BATF: variants seen among roughly 807,000 people sequenced by gnomAD.
BATF encodes the protein basic leucine zipper transcriptional factor ATF-like.
A neutral mutation model predicts 13.7 loss-of-function variants in BATF; 5 were observed. That is an observed-to-expected ratio of 0.36 (90% CI 0.19 to 0.77). The LOEUF (loss-of-function observed/expected upper bound fraction) is 0.77, where lower values mean the gene tolerates loss of function less well. BATF is among the 30% of genes least tolerant of loss of function. BATF has a pLI of 0.51. For missense variants in BATF, 124 were observed against 163.0 expected (o/e 0.76, Z 1.30); for synonymous variants, 72 against 67.5 (o/e 1.07, Z -0.33).
At chr14:75,522,791 G>A in intron 1 of BATF, 46 bp downstream of exon 1, 1 of 1,610,788 alleles carries the variant, frequency 6.2e-7, no homozygotes, top group Non-Finnish European at 8.5e-7. Flanking sequence ...TTCTCCTGGG[G>A]GATGGAAAGA....
chr14:75,544,243 TA>T (rs914255782), intron 2 of BATF, among the ~76,000 whole-genome samples: 20 of 150,926 alleles, frequency 1.3e-4, no homozygotes, highest in Admixed American at 5.9e-4. Context: ...GGCTAGGATT[TA>T]AAAAAAAAAT....
chr14:75,525,254 C>T, intron 2 of BATF, 66 bp downstream of exon 2: 1 of 1,492,856 alleles, frequency 6.7e-7, no homozygotes, highest in Non-Finnish European at 9.2e-7. Context: ...TCTGGGAACC[C>T]TTGGACCATA....
chr14:75,531,639 T>A (rs1887735664), intron 2 of BATF, among the ~76,000 whole-genome samples: 1 of 152,240 alleles, frequency 6.6e-6, no homozygotes, highest in Non-Finnish European at 1.5e-5. Flanking sequence ...TCCAGGGATG[T>A]GCTTTGTCAT....
chr14:75,546,385 C>G (rs1468025085), intron 2 of BATF, 77 bp from the exon 3 acceptor site: 52 of 1,475,646 alleles, frequency 3.5e-5, no homozygotes, highest in Middle Eastern at 1.7e-4. Flanking sequence ...TCTGGCCCCT[C>G]CTGTGTCCCT....
intron 2 of BATF, among the ~76,000 whole-genome samples, chr14:75,539,419 C>T (rs1887863569): frequency 2.9e-5 from 1 of 34,664 alleles, no homozygotes; most frequent in East Asian, 2.0e-3. Context: ...GTAAGGTAAG[C>T]TGGAATTTTT....
chr14:75,532,230 G>A (rs1887744825), intron 2 of BATF, among the ~76,000 whole-genome samples: 1 of 152,120 alleles, frequency 6.6e-6, no homozygotes, highest in Admixed American at 6.5e-5. Context: ...AAACTCTGAT[G>A]AAGATGTATT....
intron 2 of BATF, among the ~76,000 whole-genome samples, chr14:75,539,220 C>T (rs534980798): frequency 3.2e-4 from 48 of 152,272 alleles, no homozygotes; most frequent in Admixed American, 1.6e-3. Context: ...ATTCTCTAGG[C>T]TGTGAGATGG....
In BATF at chr14:75,522,659, G is replaced by T. The variant is rs949413937; in HGVS notation, c.-24G>T. On this transcript the variant is annotated 5_prime_UTR_variant, in exon 1 of 3. Coordinates refer to ENST00000286639, the MANE Select transcript of BATF (RefSeq NM_006399.5). ...AGCCCAGAGGTGCCTGGGGCTGAGT[G>T]TGAGAGCCCGGAAGATTTCAGCCAT... The T allele has an allele frequency of 5.0e-6, 8 of 1,614,086 alleles. No individual in the cohort carries two copies. The highest frequency in any genetic ancestry group is 6.8e-6 in the Non-Finnish European group (8 of 1,179,956).
intron 2 of BATF, among the ~76,000 whole-genome samples, chr14:75,526,320 C>A (rs1057369423): frequency 2.6e-5 from 4 of 152,198 alleles, no homozygotes; most frequent in African/African-American, 9.7e-5. Flanking sequence ...CCTTCCCTAG[C>A]AACTCTACCT....
chr14:75,538,209 A>G (rs940965441), intron 2 of BATF, among the ~76,000 whole-genome samples: 8 of 152,168 alleles, frequency 5.3e-5, no homozygotes, highest in African/African-American at 1.9e-4. Flanking sequence ...CCCTCCTGCC[A>G]AAGAAGCCTC....
chr14:75,535,592 G>A (rs1223251596), intron 2 of BATF, among the ~76,000 whole-genome samples: 2 of 152,274 alleles, frequency 1.3e-5, no homozygotes, highest in East Asian at 1.9e-4. Context: ...AGGACATCAA[G>A]TACAAAGAGA....
At chr14:75,526,382 C>G (rs1887654978) in intron 2 of BATF, among the ~76,000 whole-genome samples, 2 of 152,206 alleles carry the variant, frequency 1.3e-5, no homozygotes, top group South Asian at 2.1e-4. Context: ...CTAGCAATTC[C>G]TTTCCATGGA....
At chr14:75,541,089 A>G (rs973975308) in intron 2 of BATF, among the ~76,000 whole-genome samples, 2 of 152,228 alleles carry the variant, frequency 1.3e-5, no homozygotes, top group African/African-American at 4.8e-5. Flanking sequence ...ACTCTGTCTC[A>G]AAAATTAAAT....
intron 2 of BATF, among the ~76,000 whole-genome samples, chr14:75,525,434 G>A (rs1403210011): frequency 6.6e-6 from 1 of 151,882 alleles, no homozygotes; most frequent in South Asian, 2.1e-4. Flanking sequence ...AGGCCAAGGC[G>A]GGTGGGTCAC....
intron 2 of BATF, among the ~76,000 whole-genome samples, chr14:75,530,157 G>C (rs1207854458): frequency 6.6e-6 from 1 of 151,716 alleles, no homozygotes; most frequent in Non-Finnish European, 1.5e-5. Flanking sequence ...TGTGTGAAAA[G>C]ATGGTAGACC....
chr14:75,525,217 G>A (rs758723494), intron 2 of BATF, 29 bp downstream of exon 2: 15 of 1,599,424 alleles, frequency 9.4e-6, no homozygotes, highest in East Asian at 2.2e-5. Context: ...CTTCATCCTC[G>A]TGAGCTTTAG....
At chr14:75,532,765 G>T (rs1887756716) in intron 2 of BATF, among the ~76,000 whole-genome samples, 1 of 152,046 alleles carries the variant, frequency 6.6e-6, no homozygotes, top group South Asian at 2.1e-4. Context: ...GTATTTATCA[G>T]CATAGAAAGA....
chr14:75,529,286 C>T (rs1887698221), intron 2 of BATF, among the ~76,000 whole-genome samples: 1 of 152,122 alleles, frequency 6.6e-6, no homozygotes. Context: ...GACCCAAAAA[C>T]AAATTCAGAT....
chr14:75,529,921 A>G (rs1474737276), intron 2 of BATF, among the ~76,000 whole-genome samples: 7 of 152,048 alleles, frequency 4.6e-5, no homozygotes, highest in Non-Finnish European at 8.8e-5. Context: ...AAAATTAGCC[A>G]GGCGTGGTGG....
Sources: allele counts gnomAD v4.1 joint callset (sites outside exome capture counted in the v4.1 genomes callset), GRCh38; gene constraint gnomAD v4.1.1; transcripts MANE v1.5; gene names NCBI Gene and HGNC (gene_info 2026-07-23, HGNC 2026-07-21).